Variants in PCCA observed in about 807,000 individuals in gnomAD.
The protein encoded by PCCA is propionyl-CoA carboxylase alpha chain, mitochondrial.
Under a neutral mutation model 101.3 loss-of-function variants are expected in PCCA, and 74 were observed. The ratio of observed to expected loss-of-function variants is 0.73; its 90% CI spans 0.61 to 0.89. PCCA has a LOEUF of 0.89. PCCA is among the 40% of genes least tolerant of loss of function. PCCA has a pLI of 0.00. For synonymous variants in PCCA, 294 were observed against 313.6 expected (o/e 0.94, Z 0.66); for missense variants, 891 against 907.0 (o/e 0.98, Z 0.23).
rs192288632 is a variant in PCCA, at chr13:100,434,515, A to G, written c.1845+8784A>G. ...GGCATTCACTCTCTTGGGGCATGGC[A>G]GATGTCCAAAGCTGGCCGGTAGCCC... On this transcript the variant is annotated intron_variant, in intron 20 of 23. Transcript: ENST00000376285. Among the ~76,000 whole-genome samples the G allele has an allele frequency of 5.2e-3, 786 of 152,248 alleles. 3 individuals carry two copies. Among genetic ancestry groups the G allele is most frequent in the Non-Finnish European group, 8.2e-3 (561 of 68,006 alleles).
intron 6 of PCCA, among the ~76,000 whole-genome samples, chr13:100,159,381 G>A (rs2054219123): frequency 6.6e-6 from 1 of 151,968 alleles, no homozygotes; most frequent in Admixed American, 6.6e-5. Flanking sequence ...GAGCCACTGT[G>A]TCTGGCCAAA....
At chr13:100,471,034 A>C (rs1339984810) in intron 21 of PCCA, among the ~76,000 whole-genome samples, 2 of 152,170 alleles carry the variant, frequency 1.3e-5, no homozygotes, top group African/African-American at 4.8e-5. Flanking sequence ...AGCTTTCCAC[A>C]TGCTTTCTCA....
At chr13:100,271,208 GT>G (rs932698058) in intron 11 of PCCA, among the ~76,000 whole-genome samples, 1 of 151,822 alleles carries the variant, frequency 6.6e-6, no homozygotes, top group Non-Finnish European at 1.5e-5. Flanking sequence ...GTTAGTTGGG[GT>G]TTTTTTTAGT....
intron 19 of PCCA, among the ~76,000 whole-genome samples, chr13:100,391,991 AC>A (rs1471347635): frequency 1.3e-5 from 2 of 151,840 alleles, no homozygotes; most frequent in African/African-American, 4.8e-5. Context: ...CTCTTAAGTG[AC>A]CCCTTAGTCA....
rs147028731 is a variant in PCCA at position 100,237,826 on chromosome 13, C to T, written c.637+1948C>T. On this transcript the variant is annotated intron_variant, in intron 8 of 23. Coordinates refer to ENST00000376285, the MANE Select transcript of PCCA (RefSeq NM_000282.4). Reference sequence around the variant, plus strand: ...AATTTACAGTTACACTGCAGTGCCACATTTTGAATGGTGAATTTTGGACTT... The same window carrying T: ...AATTTACAGTTACACTGCAGTGCCATATTTTGAATGGTGAATTTTGGACTT... Among the ~76,000 whole-genome samples, 119 of 152,124 alleles carry T rather than the reference C, an allele frequency of 7.8e-4. No homozygotes were observed. In the East Asian group the frequency reaches 9.8e-3, roughly 13 times the overall value.
chr13:100,425,714 A>T lies in PCCA; in HGVS notation c.1828A>T (p.Thr610Ser), dbSNP rs749767976. The T allele has an allele frequency of 6.2e-7, 1 of 1,612,126 alleles. No homozygotes were observed. The highest frequency in any genetic ancestry group is 1.3e-5 in the African/African-American group (1 of 74,884). Residue 610 changes from threonine to serine, a missense_variant, in exon 20 of 24, where the codon ACT becomes TCT. Thr to Ser is a moderately conservative substitution (Grantham distance 58). Coordinates refer to ENST00000376285, the MANE Select transcript of PCCA (RefSeq NM_000282.4). The part of the protein sequence containing the change: ...SPLLSVSVDG[T>S]QRTVQCLSRE... Reference sequence around the variant, plus strand: ...CTTATTGTCTGTCAGCGTTGATGGCACTCAGAGGACTGTCCAGGTGAGTGT... The same window carrying T: ...CTTATTGTCTGTCAGCGTTGATGGCTCTCAGAGGACTGTCCAGGTGAGTGT...
chr13:100,451,754 C>CCCTCTCTGTCCTCTT (rs2081269113), intron 21 of PCCA, among the ~76,000 whole-genome samples: 1 of 98,546 alleles, frequency 1.0e-5, no homozygotes, highest in South Asian at 4.2e-4. Flanking sequence ...TCCTTCCTCT[C>CCCTCTCTGTCCTCTT]CCTCTCTGTC....
chr13:100,377,877 A>G (rs904839797), intron 19 of PCCA, among the ~76,000 whole-genome samples: 2 of 148,050 alleles, frequency 1.4e-5, no homozygotes, highest in African/African-American at 5.3e-5. Context: ...TTCCTGTCAT[A>G]TCATTAATTG....
chr13:100,345,935 A>G (rs1337659243), intron 18 of PCCA, among the ~76,000 whole-genome samples: 4 of 152,244 alleles, frequency 2.6e-5, no homozygotes, highest in Non-Finnish European at 4.4e-5. Context: ...CATTTACAGC[A>G]TCATTTACTG....
chr13:100,115,919 A>G lies in PCCA; in HGVS notation c.300+3858A>G, dbSNP rs984216930. 5.3e-5 allele frequency among the ~76,000 whole-genome samples: 8 copies of G among 152,312 alleles called. No individual in the cohort carries two copies. The East Asian group carries it at 5.8e-4, about 11-fold the overall frequency. Reference sequence around the variant, plus strand: ...GCACACTCAGTCAAAACTTTCTCTTACTATGACCTACTTTAGGTCAATTTC... The same window carrying G: ...GCACACTCAGTCAAAACTTTCTCTTGCTATGACCTACTTTAGGTCAATTTC... On this transcript the variant is annotated intron_variant, in intron 4 of 23. Transcript: ENST00000376285.
intron 21 of PCCA, among the ~76,000 whole-genome samples, chr13:100,458,627 C>G (rs920321646): frequency 6.6e-6 from 1 of 151,710 alleles, no homozygotes; most frequent in Admixed American, 6.6e-5. Context: ...AGAGTGAGAC[C>G]CCACCTCAAA....
chr13:100,243,195 TG>T (rs2061252716), intron 8 of PCCA, among the ~76,000 whole-genome samples: 1 of 152,246 alleles, frequency 6.6e-6, no homozygotes, highest in Non-Finnish European at 1.5e-5. Context: ...CACATCTGGC[TG>T]GTTACTATTT....
At chr13:100,417,741 C>T (rs1251198584) in intron 19 of PCCA, among the ~76,000 whole-genome samples, 1 of 152,122 alleles carries the variant, frequency 6.6e-6, no homozygotes, top group Non-Finnish European at 1.5e-5. Context: ...GTATTGCCCA[C>T]TTTCAGACCA....
chr13:100,425,413 A>G (rs79417098), intron 19 of PCCA, among the ~76,000 whole-genome samples: 2 of 152,380 alleles, frequency 1.3e-5, no homozygotes, highest in East Asian at 1.9e-4. Flanking sequence ...TTGAAGCCTC[A>G]GTACCCGGAG....
intron 19 of PCCA, among the ~76,000 whole-genome samples, chr13:100,404,497 G>A (rs555429809): frequency 9.2e-5 from 14 of 152,264 alleles, no homozygotes; most frequent in African/African-American, 3.4e-4. Context: ...AGGAGTCCTG[G>A]GGGTCCCGGA....
intron 19 of PCCA, among the ~76,000 whole-genome samples, chr13:100,387,544 A>G (rs376540228): frequency 1.6e-4 from 25 of 152,200 alleles, no homozygotes; most frequent in African/African-American, 5.5e-4. Flanking sequence ...TGATGTACCA[A>G]TGTGACTCCT....
chr13:100,241,972 G>A (rs1176433714), intron 8 of PCCA, among the ~76,000 whole-genome samples: 3 of 152,102 alleles, frequency 2.0e-5, no homozygotes, highest in African/African-American at 4.8e-5. Context: ...TATTTTCCAT[G>A]GTGGCTGTCC....
intron 21 of PCCA, among the ~76,000 whole-genome samples, chr13:100,492,810 G>A (rs905905223): frequency 6.6e-6 from 1 of 151,156 alleles, no homozygotes; most frequent in Non-Finnish European, 1.5e-5. Flanking sequence ...AGAGGAGTTC[G>A]GCTGGGGAAG....
At chr13:100,476,950 G>T (rs187990375) in intron 21 of PCCA, among the ~76,000 whole-genome samples, 1 of 152,230 alleles carries the variant, frequency 6.6e-6, no homozygotes, top group Admixed American at 6.5e-5. Context: ...TAGTTTTGTG[G>T]TATTAAATCT....
Sources: gnomAD v4.1 joint callset for allele counts (sites outside exome capture counted in the v4.1 genomes callset) on GRCh38, gnomAD v4.1.1 for gene constraint, MANE v1.5 for transcripts, NCBI Gene and HGNC (gene_info 2026-07-23, HGNC 2026-07-21) for gene names.